CYP46A1: variants seen among roughly 807,000 people sequenced by gnomAD.
The protein encoded by CYP46A1 is cytochrome P450 family 46 subfamily A member 1.
A neutral mutation model predicts 63.3 loss-of-function variants in CYP46A1; 20 were observed. That is an observed-to-expected ratio of 0.32 (90% CI 0.22 to 0.46). The LOEUF (loss-of-function observed/expected upper bound fraction) is 0.46, where lower values mean the gene tolerates loss of function less well. CYP46A1 is among the 20% of genes least tolerant of loss of function. The probability of loss-of-function intolerance (pLI) is 1.00; values close to 1 mark genes in which losing one functional copy is unlikely to be tolerated. For synonymous variants in CYP46A1, 268 were observed against 273.6 expected (o/e 0.98, Z 0.20); for missense variants, 445 against 670.8 (o/e 0.66, Z 3.72).
intron 7 of CYP46A1, among the ~76,000 whole-genome samples, chr14:99,714,172 TATC>T (rs2056765613): frequency 6.6e-6 from 1 of 152,234 alleles, no homozygotes; most frequent in South Asian, 2.1e-4. Context: ...ATCTGTGAGA[TATC>T]ATCTTATCCC....
chr14:99,719,206 TC>T (rs1331136366), intron 10 of CYP46A1, among the ~76,000 whole-genome samples: 1 of 152,032 alleles, frequency 6.6e-6, no homozygotes, highest in Non-Finnish European at 1.5e-5. Context: ...GTGAATGTCA[TC>T]CCCCTCCACT....
At chr14:99,695,894 G>A (rs546353461) in intron 3 of CYP46A1, among the ~76,000 whole-genome samples, 45 of 152,170 alleles carry the variant, frequency 3.0e-4, no homozygotes, top group African/African-American at 1.0e-3. Flanking sequence ...GCCTTTCAAA[G>A]TGCTGGGATT....
intron 3 of CYP46A1, chr14:99,695,427 T>C (rs762784819): frequency 2.1e-5 from 9 of 432,470 alleles, no homozygotes; most frequent in Non-Finnish European, 3.7e-5. Flanking sequence ...TATTTCTACT[T>C]TCAGTTCCAT....
chr14:99,716,403 G>A (rs972707508), intron 9 of CYP46A1, among the ~76,000 whole-genome samples: 1 of 152,220 alleles, frequency 6.6e-6, no homozygotes, highest in Non-Finnish European at 1.5e-5. Flanking sequence ...GCTGGCAATT[G>A]TGGGGATGTG....
chr14:99,713,865 CAAAAAAAAAAAA>C (rs71113218), intron 7 of CYP46A1, among the ~76,000 whole-genome samples: 10 of 67,590 alleles, frequency 1.5e-4, no homozygotes, highest in African/African-American at 4.7e-4. Context: ...GACTCCATCT[CAAAAAAAAAAAA>C]AAAAAAAAAA....
Position 99,700,991 on chromosome 14 carries a change from T to C in CYP46A1, c.443+890T>C, listed in dbSNP as rs560225796. Among the ~76,000 whole-genome samples the C allele has an allele frequency of 2.2e-4, 34 of 152,318 alleles. No homozygotes were observed. The South Asian group carries it at 6.4e-3, about 29-fold the overall frequency. On this transcript the variant is annotated intron_variant, in intron 5 of 14. Coordinates refer to ENST00000261835, the MANE Select transcript of CYP46A1 (RefSeq NM_006668.2). ...TAGGCTAATGTGTGTGTTTGTGTCT[T>C]AGTTTTTCACAACAAAGTTTTAAAA...
At chr14:99,718,187 C>T in intron 10 of CYP46A1, 61 bp downstream of exon 10, 3 of 1,384,790 alleles carry the variant, frequency 2.2e-6, no homozygotes, top group Non-Finnish European at 3.1e-6. Flanking sequence ...TCCTGAGGGC[C>T]ACCTGCCCCC....
rs1488847865 is a variant in CYP46A1 at position 99,715,986 on chromosome 14, G to C, written c.844+26G>C. On this transcript the variant is annotated intron_variant, in intron 8 of 14. Transcript: ENST00000261835. The stretch of plus-strand genomic sequence containing the variant: ...GTGCAAGGGCCCCCTCTGCGGACTG[G>C]GGAGGGCGGGGTGGGCCAGGACGTT... 2.5e-6 allele frequency: 4 copies of C among 1,596,300 alleles called. No individual in the cohort carries two copies. The African/African-American group carries it at 5.4e-5, about 21-fold the overall frequency.
intron 3 of CYP46A1, chr14:99,695,415 T>C (rs1480608032): frequency 9.3e-6 from 4 of 429,734 alleles, no homozygotes; most frequent in African/African-American, 6.1e-5. Context: ...CATAGATTTA[T>C]CTATTTCTAC....
chr14:99,693,824 A>G (rs1296702118), intron 3 of CYP46A1, among the ~76,000 whole-genome samples: 1 of 152,236 alleles, frequency 6.6e-6, no homozygotes, highest in African/African-American at 2.4e-5. Context: ...ATTTTAAATT[A>G]TGATAAAATG....
rs1204751132 is a variant in CYP46A1, at chr14:99,691,102, C to T, written c.141C>T (p.Pro47=). 1.9e-6 allele frequency: 3 copies of T among 1,614,062 alleles called. No individual in the cohort carries two copies. The highest frequency in any genetic ancestry group is 1.3e-5 in the African/African-American group (1 of 74,908). Reference sequence around the variant, plus strand: ...CTAGTTTCCTTCTAGGACACCTCCCCTGCTTTTGGAAAAAGGATGAGGTTG... The same window carrying T: ...CTAGTTTCCTTCTAGGACACCTCCCTTGCTTTTGGAAAAAGGATGAGGTTG... The part of the protein sequence containing the change: ...PRPSFLLGHL[P]CFWKKDEVGG... Residue 47 remains proline (P), a synonymous_variant, in exon 2 of 15, where the codon CCC becomes CCT. Transcript: ENST00000261835.
intron 3 of CYP46A1, among the ~76,000 whole-genome samples, chr14:99,692,939 G>A (rs551565157): frequency 2.8e-4 from 43 of 152,350 alleles, no homozygotes; most frequent in African/African-American, 1.0e-3. Context: ...GGAGTTGGCA[G>A]AACTGGGCTC....
Position 99,726,742 on chromosome 14 carries a change from A to G in CYP46A1, c.*15A>G. 3 of 1,500,420 alleles carry G rather than the reference A, an allele frequency of 2.0e-6. No individual in the cohort carries two copies. The highest frequency in any genetic ancestry group is 2.7e-6 in the Non-Finnish European group (3 of 1,121,548). The allele number at this position is 1,500,420 out of a possible 1,614,324, so 92.9% of individuals were successfully genotyped here. ...CCCCCTGCTGAGGGGGCCTCCAGGCAGGACGAGACTCCTCGGGCAAGGGCC... is the reference window on the plus strand; with the variant it reads ...CCCCCTGCTGAGGGGGCCTCCAGGCGGGACGAGACTCCTCGGGCAAGGGCC... On this transcript the variant is annotated 3_prime_UTR_variant, in exon 15 of 15. Coordinates refer to ENST00000261835, the MANE Select transcript of CYP46A1 (RefSeq NM_006668.2).
At chr14:99,699,599 G>T (rs2056613461) in intron 4 of CYP46A1, 60 bp downstream of exon 4, 20 of 1,562,352 alleles carry the variant, frequency 1.3e-5, no homozygotes, top group Non-Finnish European at 1.8e-5. Flanking sequence ...TGTGAGTGAG[G>T]GCCAGTGCGG....
Position 99,726,746 on chromosome 14 carries a change from C to A in CYP46A1, c.*19C>A. 6.7e-7 allele frequency: 1 copy of A among 1,495,884 alleles called. No homozygotes were observed. The highest frequency in any genetic ancestry group is 8.9e-7 in the Non-Finnish European group (1 of 1,119,192). 92.7% of individuals were successfully genotyped at this position (1,495,884 alleles called of 1,614,324 possible). A position where few individuals can be genotyped will look rare whatever the true frequency, so the allele number is the denominator to read the frequency against. On this transcript the variant is annotated 3_prime_UTR_variant, in exon 15 of 15. Transcript: ENST00000261835. ...CTGCTGAGGGGGCCTCCAGGCAGGA[C>A]GAGACTCCTCGGGCAAGGGCCGTGC...
At chr14:99,711,420 A>C (rs1228064463) in intron 7 of CYP46A1, 1 of 152,072 alleles carries the variant, frequency 6.6e-6, no homozygotes, top group Non-Finnish European at 1.5e-5. Context: ...AGACCCATAT[A>C]AATAAAAGCA....
chr14:99,688,334 T>G (rs769390031), intron 1 of CYP46A1, among the ~76,000 whole-genome samples: 9 of 152,144 alleles, frequency 5.9e-5, no homozygotes, highest in Non-Finnish European at 1.0e-4. Context: ...GGGCGTTTAT[T>G]CGCCTACTCT....
rs1416721706 is a variant in CYP46A1 at position 99,691,835 on chromosome 14, A to G, written c.256A>G (p.Ile86Val). Residue 86 changes from isoleucine (I) to valine (V), a missense_variant, in exon 3 of 15, where the codon ATC becomes GTC. This residue lies in a region of CYP46A1 where 252 missense variants were observed against 383.3 expected (regional missense o/e 0.66). Transcript: ENST00000261835. The stretch of plus-strand genomic sequence containing the variant: ...CAACGTCTTCCACAAAACCTCAGTC[A>G]TCGTCACGAGTCCTGAGTCGGTTAA... ...RVNVFHKTSV[I>V]VTSPESVKKF... 2 of 1,614,198 alleles carry G rather than the reference A, an allele frequency of 1.2e-6. No individual in the cohort carries two copies. The highest frequency in any genetic ancestry group is 3.3e-5 in the Admixed American group (2 of 60,024).
At chr14:99,708,114 G>A in intron 7 of CYP46A1, 1 of 262,838 alleles carries the variant, frequency 3.8e-6, no homozygotes, top group Non-Finnish European at 7.4e-6. Flanking sequence ...ACCACCACCT[G>A]CACGCACTGT....
Sources: allele counts gnomAD v4.1 joint callset (sites outside exome capture counted in the v4.1 genomes callset), GRCh38; gene constraint gnomAD v4.1.1; regional missense constraint gnomAD v4.1.1; transcripts MANE v1.5; gene names NCBI Gene and HGNC (gene_info 2026-07-23, HGNC 2026-07-21).